Variants in GULP1 observed in about 807,000 individuals in gnomAD.
GULP1 encodes the protein GULP PTB domain containing engulfment adaptor 1, also known as PTB domain-containing engulfment adapter protein 1.
In GULP1, 19 loss-of-function variants were observed where a neutral mutation model predicts 40.9. That is an observed-to-expected ratio of 0.46 (90% confidence interval 0.32 to 0.68). GULP1 has a LOEUF of 0.68. GULP1 is among the 30% of genes least tolerant of loss of function. The pLI is 0.03. For synonymous variants in GULP1, 119 were observed against 117.6 expected (o/e 1.01, Z -0.08); for missense variants, 312 against 362.2 (o/e 0.86, Z 1.12).
intron 4 of GULP1, among the ~76,000 whole-genome samples, chr2:188,484,304 G>A (rs1452346158): frequency 6.6e-6 from 1 of 152,038 alleles, no homozygotes; most frequent in Admixed American, 6.6e-5. Context: ...ATTAATCTAC[G>A]CTCTGTGTCT....
At chr2:188,523,269 T>A (rs1392663127) in intron 5 of GULP1, among the ~76,000 whole-genome samples, 1 of 152,168 alleles carries the variant, frequency 6.6e-6, no homozygotes, top group East Asian at 1.9e-4. Context: ...TGACACTGTA[T>A]GTTAAAGATT....
intron 2 of GULP1, among the ~76,000 whole-genome samples, chr2:188,417,607 G>T (rs1386770164): frequency 6.6e-6 from 1 of 152,198 alleles, no homozygotes; most frequent in African/African-American, 2.4e-5. Context: ...TCTTGTAAAA[G>T]ATAAGTATAT....
chr2:188,448,821 T>A (rs1559253407), intron 2 of GULP1, among the ~76,000 whole-genome samples: 1 of 152,096 alleles, frequency 6.6e-6, no homozygotes, highest in African/African-American at 2.4e-5. Flanking sequence ...GTAAATGAGT[T>A]CTCATGAGAT....
intron 2 of GULP1, among the ~76,000 whole-genome samples, chr2:188,387,878 A>C (rs1249034926): frequency 6.6e-6 from 1 of 151,754 alleles, no homozygotes; most frequent in Non-Finnish European, 1.5e-5. Flanking sequence ...TTTTTTTTTA[A>C]ATTTTTTTGT....
At chr2:188,295,377 G>A (rs929846160) in intron 1 of GULP1, among the ~76,000 whole-genome samples, 8 of 152,098 alleles carry the variant, frequency 5.3e-5, no homozygotes, top group Non-Finnish European at 1.0e-4. Flanking sequence ...AATCAGCACC[G>A]AACTTCTCAG....
intron 4 of GULP1, among the ~76,000 whole-genome samples, chr2:188,495,141 C>G (rs552381521): frequency 2.8e-4 from 42 of 152,180 alleles, no homozygotes; most frequent in African/African-American, 9.4e-4. Flanking sequence ...ATCTCTGCCC[C>G]TAACACTATG....
At chr2:188,451,498 A>G (rs1022384178) in intron 2 of GULP1, among the ~76,000 whole-genome samples, 1 of 152,230 alleles carries the variant, frequency 6.6e-6, no homozygotes, top group African/African-American at 2.4e-5. Context: ...TTTATCATTA[A>G]GTAATTATTA....
At chr2:188,479,824 T>A (rs2061313306) in intron 3 of GULP1, among the ~76,000 whole-genome samples, 1 of 152,142 alleles carries the variant, frequency 6.6e-6, no homozygotes, top group Non-Finnish European at 1.5e-5. Context: ...CCAGTAATTG[T>A]ATATTTGTCT....
chr2:188,497,614 G>A (rs1385322502), intron 4 of GULP1, among the ~76,000 whole-genome samples: 1 of 151,898 alleles, frequency 6.6e-6, no homozygotes, highest in Non-Finnish European at 1.5e-5. Flanking sequence ...CAGAATAACT[G>A]ATCAGCAAAA....
chr2:188,310,484 C>G (rs1200120901), intron 1 of GULP1, among the ~76,000 whole-genome samples: 1 of 152,078 alleles, frequency 6.6e-6, no homozygotes, highest in East Asian at 1.9e-4. Flanking sequence ...TGCAAGCTTG[C>G]TTGGTTGACT....
intron 11 of GULP1, chr2:188,590,000 C>G (rs1396552611): frequency 9.0e-6 from 2 of 223,350 alleles, no homozygotes; most frequent in African/African-American, 4.6e-5. Context: ...CAGAGTCTCA[C>G]TCTATCGCCC....
chr2:188,548,786 T>C (rs1045139182), intron 7 of GULP1, among the ~76,000 whole-genome samples: 4 of 152,080 alleles, frequency 2.6e-5, no homozygotes. Flanking sequence ...GCCCAGCTAA[T>C]GTTTGTCAAT....
intron 1 of GULP1, among the ~76,000 whole-genome samples, chr2:188,321,607 A>G (rs2039991519): frequency 6.6e-6 from 1 of 152,098 alleles, no homozygotes; most frequent in Admixed American, 6.6e-5. Flanking sequence ...ATGTATTTTT[A>G]TTGAAATAAA....
At chr2:188,332,248 G>A (rs551091304) in intron 1 of GULP1, among the ~76,000 whole-genome samples, 5 of 144,250 alleles carry the variant, frequency 3.5e-5, no homozygotes, top group South Asian at 4.4e-4. Flanking sequence ...GGAGTGCAGC[G>A]GCACAATCTC....
At chr2:188,351,989 C>T (rs1038896717) in intron 1 of GULP1, among the ~76,000 whole-genome samples, 6 of 151,944 alleles carry the variant, frequency 3.9e-5, no homozygotes, top group Non-Finnish European at 5.9e-5. Flanking sequence ...TGGCATGTAT[C>T]CCTGTTTGCC....
intron 1 of GULP1, among the ~76,000 whole-genome samples, chr2:188,374,148 A>T (rs1245602575): frequency 1.3e-5 from 2 of 152,094 alleles, no homozygotes; most frequent in Non-Finnish European, 2.9e-5. Flanking sequence ...TTTGCTTCTA[A>T]CAATAACAAA....
intron 1 of GULP1, among the ~76,000 whole-genome samples, chr2:188,314,957 C>T (rs2038837939): frequency 6.6e-6 from 1 of 152,086 alleles, no homozygotes; most frequent in Non-Finnish European, 1.5e-5. Context: ...TATAGCAGTG[C>T]TTGTGATCAG....
intron 1 of GULP1, among the ~76,000 whole-genome samples, chr2:188,374,033 T>A (rs2047970633): frequency 6.6e-6 from 1 of 152,046 alleles, no homozygotes; most frequent in Admixed American, 6.6e-5. Flanking sequence ...CTATGTGACA[T>A]CATTTCTTAA....
chr2:188,350,617 A>G (rs909378960), intron 1 of GULP1, among the ~76,000 whole-genome samples: 12 of 152,014 alleles, frequency 7.9e-5, no homozygotes, highest in Admixed American at 1.3e-4. Context: ...GTCATCTGTG[A>G]ATAGAGATAG....
Sources: allele counts gnomAD v4.1 joint callset (sites outside exome capture counted in the v4.1 genomes callset), GRCh38; gene constraint gnomAD v4.1.1; transcripts MANE v1.5; gene names NCBI Gene and HGNC (gene_info 2026-07-23, HGNC 2026-07-21).